Variants in AGAP1 observed in about 807,000 individuals in gnomAD.
The protein encoded by AGAP1 is ArfGAP with GTPase domain, ankyrin repeat and PH domain 1.
AGAP1 carries 29 observed loss-of-function variants against 105.3 expected under a neutral mutation model. That is an observed-to-expected ratio of 0.28 (90% CI 0.21 to 0.38). The LOEUF is 0.38. AGAP1 is among the 10% of genes least tolerant of loss of function. AGAP1 has a pLI of 1.00. For missense variants in AGAP1, 998 were observed against 1,165.1 expected, an observed-to-expected ratio of 0.86 and a Z score of 2.09; for synonymous variants, 509 against 485.9, an observed-to-expected ratio of 1.05 and a Z score of -0.63.
At chr2:236,097,380 C>CT (rs58882083) in intron 16 of AGAP1, among the ~76,000 whole-genome samples, 3,198 of 48,644 alleles carry the variant, frequency 0.066, 1,000 homozygotes, top group East Asian at 0.084. Flanking sequence ...TCATCCTAAT[C>CT]TTTTTTTTTT....
chr2:235,869,398 C>CA (rs1222867459), intron 9 of AGAP1, among the ~76,000 whole-genome samples: 3 of 109,052 alleles, frequency 2.8e-5, no homozygotes, highest in Non-Finnish European at 5.1e-5. Flanking sequence ...TCCTGACCAA[C>CA]ATGGTGAAAC....
chr2:235,783,374 A>G (rs1469396307), intron 6 of AGAP1: 1 of 471,250 alleles, frequency 2.1e-6, no homozygotes, highest in Non-Finnish European at 4.4e-6. Flanking sequence ...TTCCTTGCTC[A>G]TCCTTGGCCG....
In AGAP1 at chr2:235,951,747, G is replaced by C. The variant is rs1039395238; in HGVS notation, c.1484-16715G>C. Among the ~76,000 whole-genome samples the C allele has an allele frequency of 1.3e-5, 2 of 152,124 alleles. No individual in the cohort carries two copies. Among genetic ancestry groups the C allele is most frequent in the Admixed American group, 1.3e-4 (2 of 15,280 alleles). ...ACATTTCCTCCTATCCTGGATGACT[G>C]GAGCCTTGGGCTGCAGATGAGTTAC... is the stretch of plus-strand genomic sequence containing the variant. On this transcript the variant is annotated intron_variant, in intron 12 of 17. Transcript: ENST00000304032. The surrounding 1 kb of genome is among the most constrained non-coding windows in gnomAD (Gnocchi z 4.2).
chr2:236,099,391 G>C (rs923833684), intron 16 of AGAP1, among the ~76,000 whole-genome samples: 7 of 151,000 alleles, frequency 4.6e-5, no homozygotes, highest in African/African-American at 9.7e-5. Flanking sequence ...GGAGGAGGAG[G>C]TTGCGGTGAG....
chr2:235,512,138 A>T (rs1229739005), intron 1 of AGAP1, among the ~76,000 whole-genome samples: 2 of 152,118 alleles, frequency 1.3e-5, no homozygotes, highest in African/African-American at 4.8e-5. Flanking sequence ...CATTGTCCAC[A>T]TTGGTGGTCT....
At chr2:235,774,642 C>G (rs74425591) in intron 6 of AGAP1, among the ~76,000 whole-genome samples, 2,704 of 152,332 alleles carry the variant, frequency 0.018, 48 homozygotes, top group Non-Finnish European at 0.026. Flanking sequence ...CGTTAGGCTG[C>G]TCGCAATTAC....
intron 1 of AGAP1, among the ~76,000 whole-genome samples, chr2:235,587,556 A>C (rs1945156596): frequency 6.6e-6 from 1 of 151,962 alleles, no homozygotes; most frequent in Non-Finnish European, 1.5e-5. Flanking sequence ...GTTTGCAACT[A>C]GCCTGGCCAA....
chr2:236,022,402 C>T (rs554675809), intron 13 of AGAP1, among the ~76,000 whole-genome samples: 5 of 152,262 alleles, frequency 3.3e-5, no homozygotes, highest in African/African-American at 9.6e-5. Flanking sequence ...AGCTGAGAAC[C>T]GTGAACTGCG....
chr2:235,589,775 C>T (rs545510178), intron 1 of AGAP1, among the ~76,000 whole-genome samples: 1 of 152,078 alleles, frequency 6.6e-6, no homozygotes, highest in South Asian at 2.1e-4. Flanking sequence ...CAGGAGAGCA[C>T]GGCCAGGACT....
chr2:236,041,333 G>GT (rs994434607), intron 15 of AGAP1, among the ~76,000 whole-genome samples: 2 of 148,666 alleles, frequency 1.3e-5, no homozygotes, highest in South Asian at 2.1e-4. Context: ...CTTGGGTATT[G>GT]TTTTTTTAAA....
Position 236,046,100 on chromosome 2 carries a change from G to C in AGAP1, c.1892-2959G>C. 2.2e-6 allele frequency: 1 copy of C among 454,860 alleles called. No homozygotes were observed. Among genetic ancestry groups the C allele is most frequent in the East Asian group, 7.1e-5 (1 of 13,988 alleles). The allele number at this position is 454,860 out of a possible 1,614,324, so 28.2% of individuals were successfully genotyped here. The stretch of plus-strand genomic sequence containing the variant: ...GTGGCTTCTGTATCTGCAACCCACA[G>C]CGGCATGGAGGGCGGTGGGGTGGGC... On this transcript the variant is annotated intron_variant, in intron 15 of 17. Transcript: ENST00000304032. The surrounding 1 kb of genome is among the most constrained non-coding windows in gnomAD (Gnocchi z 5.2).
At chr2:235,858,645 C>G (rs987542167) in intron 9 of AGAP1, among the ~76,000 whole-genome samples, 1 of 152,068 alleles carries the variant, frequency 6.6e-6, no homozygotes, top group Admixed American at 6.5e-5. Flanking sequence ...GCATGATTGT[C>G]TGTGATTATT....
At chr2:235,742,780 T>A (rs779442583) in intron 4 of AGAP1, among the ~76,000 whole-genome samples, 1 of 152,218 alleles carries the variant, frequency 6.6e-6, no homozygotes, top group African/African-American at 2.4e-5. Context: ...AGCACATAAA[T>A]GTTTTGAGTG....
Position 236,053,503 on chromosome 2 carries a change from C to T in AGAP1, c.2114+4222C>T, listed in dbSNP as rs1173298636. 6.6e-6 allele frequency among the ~76,000 whole-genome samples: 1 copy of T among 152,248 alleles called. No homozygotes were observed. Among genetic ancestry groups the T allele is most frequent in the Non-Finnish European group, 1.5e-5 (1 of 68,046 alleles). On this transcript the variant is annotated intron_variant, in intron 16 of 17. Coordinates refer to ENST00000304032, the MANE Select transcript of AGAP1 (RefSeq NM_001037131.3). This position sits in a 1 kb window ranked among gnomAD's most constrained non-coding sequence, Gnocchi z 4.6. The stretch of plus-strand genomic sequence containing the variant: ...CTGGCCCGTTGTTCTTTATTGTTGT[C>T]CCCATTGCACTTAAAAACATTTGGG...
intron 16 of AGAP1, among the ~76,000 whole-genome samples, chr2:236,118,468 C>G (rs899177551): frequency 1.3e-5 from 2 of 150,430 alleles, no homozygotes; most frequent in African/African-American, 4.9e-5. Flanking sequence ...CAGCTCACTG[C>G]AACCTCTGCC....
rs145799062 is a variant in AGAP1 at position 235,960,620 on chromosome 2, G to T, written c.1484-7842G>T. Among the ~76,000 whole-genome samples the T allele has an allele frequency of 2.0e-5, 3 of 152,278 alleles. No homozygotes were observed. In the East Asian group the frequency reaches 5.8e-4, roughly 29 times the overall value. ...GATTCCCCTCTTCCTTCTTTGTTCA[G>T]GTAGCAGGGCCCAAGAAAAATCGTC... On this transcript the variant is annotated intron_variant, in intron 12 of 17. Coordinates refer to ENST00000304032, the MANE Select transcript of AGAP1 (RefSeq NM_001037131.3). The surrounding 1 kb of genome is among the most constrained non-coding windows in gnomAD (Gnocchi z 4.9).
At chr2:235,638,027 C>T (rs1367552120) in intron 1 of AGAP1, among the ~76,000 whole-genome samples, 1 of 152,206 alleles carries the variant, frequency 6.6e-6, no homozygotes, top group Non-Finnish European at 1.5e-5. Flanking sequence ...GCTGTTATCT[C>T]TTCCAGGAAC....
rs1432559959 is a variant in AGAP1 at position 235,549,206 on chromosome 2, T to G, written c.163+54357T>G. Reference sequence around the variant, plus strand: ...CACGTTCAGCAGGATTTTCCAGACCTTTTATTTCTAAGGAATACAAACTAG... The same window carrying G: ...CACGTTCAGCAGGATTTTCCAGACCGTTTATTTCTAAGGAATACAAACTAG... On this transcript the variant is annotated intron_variant, in intron 1 of 17. Coordinates refer to ENST00000304032, the MANE Select transcript of AGAP1 (RefSeq NM_001037131.3). This position sits in a 1 kb window ranked among gnomAD's most constrained non-coding sequence, Gnocchi z 4.2. 6.6e-6 allele frequency among the ~76,000 whole-genome samples: 1 copy of G among 152,222 alleles called. No homozygotes were observed. The highest frequency in any genetic ancestry group is 6.5e-5 in the Admixed American group (1 of 15,284).
At chr2:236,075,261 A>G (rs2058606143) in intron 16 of AGAP1, among the ~76,000 whole-genome samples, 1 of 152,162 alleles carries the variant, frequency 6.6e-6, no homozygotes, top group Middle Eastern at 3.4e-3. Flanking sequence ...GGTTTTTTTT[A>G]CTAGAAATCA....
Sources: allele counts gnomAD v4.1 joint callset (sites outside exome capture counted in the v4.1 genomes callset), GRCh38; gene constraint gnomAD v4.1.1; non-coding constraint Gnocchi (gnomAD v3.1); transcripts MANE v1.5; gene names NCBI Gene and HGNC (gene_info 2026-07-23, HGNC 2026-07-21).